XIRP2: variants seen among roughly 807,000 people sequenced by gnomAD.
The protein encoded by XIRP2 is xin actin-binding repeat-containing protein 2.
Under a neutral mutation model 277.0 loss-of-function variants are expected in XIRP2, and 236 were observed. The ratio of observed to expected loss-of-function variants is 0.85; its 90% CI spans 0.77 to 0.95. The LOEUF (loss-of-function observed/expected upper bound fraction) is 0.95. Ranked by LOEUF, XIRP2 falls within the 40% of genes least tolerant of loss-of-function variation. The pLI, the probability that XIRP2 is intolerant of heterozygous loss-of-function variation, is 0.00. For missense variants in XIRP2, 4,640 were observed against 4,157.5 expected (o/e 1.12, Z -3.19); for synonymous variants, 1,490 against 1,416.5 (o/e 1.05, Z -1.17).
At chr2:167,117,059 G>C (rs1419940530) in intron 2 of XIRP2, among the ~76,000 whole-genome samples, 1 of 152,140 alleles carries the variant, frequency 6.6e-6, no homozygotes, top group Non-Finnish European at 1.5e-5. Context: ...GTTAGAAAAT[G>C]CCTCTTGATA....
intron 3 of XIRP2, among the ~76,000 whole-genome samples, chr2:167,182,653 A>G (rs1693049379): frequency 6.6e-6 from 1 of 152,266 alleles, no homozygotes; most frequent in East Asian, 1.9e-4. Context: ...GTCCTTGGAG[A>G]AGTTATTTAA....
intron 3 of XIRP2, among the ~76,000 whole-genome samples, chr2:167,161,806 C>T (rs1014045927): frequency 7.2e-5 from 11 of 152,198 alleles, no homozygotes; most frequent in Non-Finnish European, 1.5e-4. Flanking sequence ...TGAATTTCTT[C>T]TCAGAAAATG....
chr2:166,964,796 A>T (rs1686387101), intron 2 of XIRP2, among the ~76,000 whole-genome samples: 2 of 151,890 alleles, frequency 1.3e-5, no homozygotes, highest in South Asian at 4.1e-4. Flanking sequence ...GGCAGCCTTC[A>T]CGGTCCCACT....
At chr2:167,135,015 C>T (rs1474209560) in intron 2 of XIRP2, among the ~76,000 whole-genome samples, 2 of 152,182 alleles carry the variant, frequency 1.3e-5, no homozygotes, top group Non-Finnish European at 2.9e-5. Flanking sequence ...AATAAAACTG[C>T]AGAAACCAAA....
At chr2:166,943,153 G>T (rs1197710342) in intron 2 of XIRP2, among the ~76,000 whole-genome samples, 2 of 152,018 alleles carry the variant, frequency 1.3e-5, no homozygotes, top group Non-Finnish European at 2.9e-5. Flanking sequence ...TAGGATTCAT[G>T]TAAGAAAAGT....
intron 2 of XIRP2, among the ~76,000 whole-genome samples, chr2:166,915,233 G>GCCAACT: frequency 6.9e-6 from 1 of 145,982 alleles, no homozygotes; most frequent in African/African-American, 2.5e-5. Context: ...TCTGGGAGGT[G>GCCAACT]GAGCTTGCAG....
chr2:166,954,687 G>A (rs1686119483), intron 2 of XIRP2, among the ~76,000 whole-genome samples: 1 of 151,958 alleles, frequency 6.6e-6, no homozygotes, highest in African/African-American at 2.4e-5. Flanking sequence ...ATCAGTGATA[G>A]ACTGGATAAA....
At chr2:166,920,103 C>T (rs753261198) in intron 2 of XIRP2, among the ~76,000 whole-genome samples, 23 of 152,120 alleles carry the variant, frequency 1.5e-4, no homozygotes, top group Non-Finnish European at 3.1e-4. Flanking sequence ...GAGGAAGAGG[C>T]ACTGTGCTAC....
At chr2:167,163,997 T>C (rs1692449212) in intron 3 of XIRP2, among the ~76,000 whole-genome samples, 1 of 152,218 alleles carries the variant, frequency 6.6e-6, no homozygotes, top group Non-Finnish European at 1.5e-5. Flanking sequence ...TTTTATTCTT[T>C]CACCAGTATC....
intron 2 of XIRP2, among the ~76,000 whole-genome samples, chr2:167,018,733 A>G (rs1687902715): frequency 6.6e-6 from 1 of 152,022 alleles, no homozygotes; most frequent in South Asian, 2.1e-4. Context: ...GACAGCAGAA[A>G]CCTGAAGAAC....
chr2:167,121,442 G>T (rs2105304787), intron 2 of XIRP2, among the ~76,000 whole-genome samples: 1 of 152,240 alleles, frequency 6.6e-6, no homozygotes, highest in East Asian at 1.9e-4. Flanking sequence ...AAAACACTTT[G>T]CATGCTAACA....
chr2:166,945,033 G>C (rs1438467482), intron 2 of XIRP2, among the ~76,000 whole-genome samples: 5 of 152,040 alleles, frequency 3.3e-5, no homozygotes, highest in Admixed American at 2.6e-4. Flanking sequence ...TGCTTCTCTT[G>C]GTTTGTTGAT....
At chr2:167,056,353 A>ATCAT (rs1689037090) in intron 2 of XIRP2, among the ~76,000 whole-genome samples, 1 of 152,142 alleles carries the variant, frequency 6.6e-6, no homozygotes, top group South Asian at 2.1e-4. Context: ...TACGTGGTTA[A>ATCAT]TCATTCATTT....
chr2:167,037,316 G>A lies in XIRP2; in HGVS notation c.409-98593G>A, dbSNP rs77541945. On this transcript the variant is annotated intron_variant, in intron 2 of 10. Coordinates refer to ENST00000409195, the MANE Select transcript of XIRP2 (RefSeq NM_152381.6). ...GACCATGTGTTAGGCCACAGAACAAGTCTTAAAAGATTTAAATTACAAGTT... is the reference window on the plus strand; with the variant it reads ...GACCATGTGTTAGGCCACAGAACAAATCTTAAAAGATTTAAATTACAAGTT... Among the ~76,000 whole-genome samples, 709 of 152,216 alleles carry A rather than the reference G, an allele frequency of 4.7e-3. 5 individuals are homozygous for A. Among genetic ancestry groups the A allele is most frequent in the Middle Eastern group, 0.02 (6 of 294 alleles).
At chr2:167,062,388 CT>C (rs1330466138) in intron 2 of XIRP2, among the ~76,000 whole-genome samples, 2 of 152,146 alleles carry the variant, frequency 1.3e-5, no homozygotes, top group Non-Finnish European at 2.9e-5. Flanking sequence ...ATGTATTACA[CT>C]TTTTATACTT....
chr2:167,204,790 AT>A (rs1206584354), intron 3 of XIRP2, among the ~76,000 whole-genome samples: 2 of 152,056 alleles, frequency 1.3e-5, no homozygotes, highest in African/African-American at 4.8e-5. Context: ...TCATTTTCCA[AT>A]TTTTATTTTC....
intron 2 of XIRP2, among the ~76,000 whole-genome samples, chr2:166,933,116 T>C (rs73024337): frequency 0.2 from 30,770 of 151,684 alleles, 4,395 homozygotes; most frequent in African/African-American, 0.4. Flanking sequence ...ATGCACCTTC[T>C]GGAATTTTAA....
chr2:167,095,565 A>G (rs1422734852), intron 2 of XIRP2, among the ~76,000 whole-genome samples: 1 of 152,120 alleles, frequency 6.6e-6, no homozygotes, highest in Non-Finnish European at 1.5e-5. Flanking sequence ...GCATCTATTG[A>G]GATAATCATG....
intron 3 of XIRP2, among the ~76,000 whole-genome samples, chr2:167,182,209 T>C (rs1693035869): frequency 1.3e-5 from 2 of 152,206 alleles, no homozygotes; most frequent in African/African-American, 4.8e-5. Context: ...TCATGCTACC[T>C]ACAAGGGTCA....
Sources: allele counts gnomAD v4.1 joint callset (sites outside exome capture counted in the v4.1 genomes callset), GRCh38; gene constraint gnomAD v4.1.1; transcripts MANE v1.5; gene names NCBI Gene and HGNC (gene_info 2026-07-23, HGNC 2026-07-21).